Variants in RIMKLA observed in about 807,000 individuals in gnomAD.
RIMKLA encodes the protein ribosomal modification protein rimK like family member A.
A neutral mutation model predicts 32.7 loss-of-function variants in RIMKLA; 14 were observed. The observed-to-expected ratio is 0.43, with a 90% confidence interval of 0.28 to 0.67. The LOEUF (loss-of-function observed/expected upper bound fraction) is 0.67. Ranked by LOEUF, RIMKLA falls within the 30% of genes least tolerant of loss-of-function variation. RIMKLA has a pLI of 0.18. For missense variants in RIMKLA, 410 were observed against 519.0 expected (o/e 0.79, Z 2.04); for synonymous variants, 176 against 204.1 (o/e 0.86, Z 1.18).
At chr1:42,399,266 GTACACCAGGATGTCCAGGGGGCC>G (rs1643074337) in intron 1 of RIMKLA, 115 bp from the exon 2 acceptor site, 2 of 621,510 alleles carry the variant, frequency 3.2e-6, no homozygotes, top group Admixed American at 5.9e-5. Flanking sequence ...GAGTTTCCTT[GTACACCAGGATGTCCAGGGGGCC>G]AATTTTGAGG....
intron 1 of RIMKLA, among the ~76,000 whole-genome samples, chr1:42,382,189 A>T (rs1004333896): frequency 2.6e-5 from 4 of 152,204 alleles, no homozygotes; most frequent in Admixed American, 2.6e-4. Context: ...CCTCATACTT[A>T]ATATCAGATT....
intron 1 of RIMKLA, among the ~76,000 whole-genome samples, chr1:42,387,013 G>C (rs1642955023): frequency 6.6e-6 from 1 of 151,816 alleles, no homozygotes; most frequent in Non-Finnish European, 1.5e-5. Context: ...GTTGCAGTGA[G>C]CTGAGATTAC....
intron 1 of RIMKLA, among the ~76,000 whole-genome samples, chr1:42,392,631 G>A (rs762473146): frequency 2.6e-5 from 4 of 152,148 alleles, no homozygotes; most frequent in Non-Finnish European, 4.4e-5. Flanking sequence ...TTAACACCAT[G>A]CCCCTGGAGC....
chr1:42,412,738 C>T (rs1179237465), intron 4 of RIMKLA: 3 of 369,880 alleles, frequency 8.1e-6, no homozygotes, highest in Non-Finnish European at 1.6e-5. Flanking sequence ...GCGTTTGCCT[C>T]TTTTTGGCTT....
rs1347039745 is a variant in RIMKLA at position 42,414,635 on chromosome 1, C to T, written c.837C>T (p.Gly279=). Residue 279 remains glycine, a synonymous_variant, in exon 5 of 5, where the codon GGC becomes GGT. Coordinates refer to ENST00000431473, the MANE Select transcript of RIMKLA (RefSeq NM_173642.4). ...TGTGTGAGGCAAATGCTAATGTTGGCTTCCTAGCCTTTGACCAGGCATGCA... is the reference window on the plus strand; with the variant it reads ...TGTGTGAGGCAAATGCTAATGTTGGTTTCCTAGCCTTTGACCAGGCATGCA... ...FVVCEANANV[G]FLAFDQACNL... 9 of 1,614,104 alleles carry T rather than the reference C, an allele frequency of 5.6e-6. No homozygotes were observed. The highest frequency in any genetic ancestry group is 1.3e-5 in the African/African-American group (1 of 74,950).
chr1:42,398,967 TAAAAAAAAAAAAAA>T (rs543668676), intron 1 of RIMKLA, among the ~76,000 whole-genome samples: 1 of 98,390 alleles, frequency 1.0e-5, no homozygotes, highest in South Asian at 3.5e-4. Flanking sequence ...ACCCTGTCTT[TAAAAAAAAAAAAAA>T]AAAAAAAAAA....
rs1341048501 is a variant in RIMKLA, at chr1:42,420,818, C to G, written c.*5844C>G. 6.6e-6 allele frequency: 1 copy of G among 152,288 alleles called. No homozygotes were observed. Among genetic ancestry groups the G allele is most frequent in the Admixed American group, 6.5e-5 (1 of 15,288 alleles). 9.4% of individuals were successfully genotyped at this position (152,288 alleles called of 1,614,324 possible). ...CAGTTCAAATCCAGGTAACTTAAAG[C>G]TTGTGTGACCCAGGGACACTTTACT... On this transcript the variant is annotated 3_prime_UTR_variant, in exon 5 of 5. Transcript: ENST00000431473.
intron 1 of RIMKLA, among the ~76,000 whole-genome samples, chr1:42,395,231 T>G (rs952661529): frequency 6.6e-6 from 1 of 152,180 alleles, no homozygotes; most frequent in African/African-American, 2.4e-5. Context: ...ATAGAGAAAA[T>G]ATTGTTTTGG....
intron 1 of RIMKLA, among the ~76,000 whole-genome samples, chr1:42,385,915 CTTCT>C (rs535064715): frequency 1.1e-4 from 9 of 82,478 alleles, no homozygotes; most frequent in South Asian, 8.8e-4. Flanking sequence ...TCCTTCTTTC[CTTCT>C]TTCTTTCTTT....
At chr1:42,414,375 A>T in intron 4 of RIMKLA, 109 bp from the exon 5 acceptor site, 1 of 1,146,040 alleles carries the variant, frequency 8.7e-7, no homozygotes, top group Non-Finnish European at 1.2e-6. Context: ...TTTTGTGATT[A>T]ATGATCGAGC....
chr1:42,393,645 G>A (rs1243475494), intron 1 of RIMKLA, among the ~76,000 whole-genome samples: 1 of 152,142 alleles, frequency 6.6e-6, no homozygotes, highest in Non-Finnish European at 1.5e-5. Flanking sequence ...ACTGTTTTAC[G>A]AGAAAATGCT....
rs184996995 is a variant in RIMKLA at position 42,390,073 on chromosome 1, A to C, written c.163+8976A>C. 5.1e-3 allele frequency among the ~76,000 whole-genome samples: 639 copies of C among 125,598 alleles called. 7 individuals are homozygous for C. The highest frequency in any genetic ancestry group is 0.018 in the African/African-American group (582 of 33,188). The allele number at this position is 125,598 out of a possible 152,430, so 82.4% of individuals were successfully genotyped here. Reference sequence around the variant, plus strand: ...TTTTTTTTTGAGACGGAGTATCGCCAGTCATCCAGGCTGGAATGCAGTGGT... The same window carrying C: ...TTTTTTTTTGAGACGGAGTATCGCCCGTCATCCAGGCTGGAATGCAGTGGT... On this transcript the variant is annotated intron_variant, in intron 1 of 4. Transcript: ENST00000431473.
intron 1 of RIMKLA, among the ~76,000 whole-genome samples, chr1:42,393,967 C>G (rs951194976): frequency 6.6e-6 from 1 of 152,062 alleles, no homozygotes; most frequent in African/African-American, 2.4e-5. Flanking sequence ...GTATTTTAGG[C>G]AGAGACAGGG....
Position 42,422,661 on chromosome 1 carries a change from CATTTT to C in RIMKLA, c.*7691_*7695del, listed in dbSNP as rs1198783022. Reference sequence around the variant, plus strand: ...AAGTAAGAATCACATGCTGAATCTACATTTTATTATTTTCATATCATAAAATGAGG... The same window carrying C: ...AAGTAAGAATCACATGCTGAATCTACATTATTTTCATATCATAAAATGAGG... On this transcript the variant is annotated 3_prime_UTR_variant, in exon 5 of 5. Transcript: ENST00000431473. 4 of 152,194 alleles carry C rather than the reference CATTTT, an allele frequency of 2.6e-5. No individual in the cohort carries two copies. The highest frequency in any genetic ancestry group is 7.2e-5 in the African/African-American group (3 of 41,458). The allele number at this position is 152,194 out of a possible 1,614,324, so 9.4% of individuals were successfully genotyped here. A position where few individuals can be genotyped will look rare whatever the true frequency, so the allele number is the denominator to read the frequency against.
intron 1 of RIMKLA, among the ~76,000 whole-genome samples, chr1:42,389,857 T>C (rs1557751505): frequency 6.6e-6 from 1 of 152,024 alleles, no homozygotes; most frequent in South Asian, 2.1e-4. Flanking sequence ...TGAGGAATTA[T>C]AATTGATTTA....
intron 1 of RIMKLA, among the ~76,000 whole-genome samples, chr1:42,395,235 G>T (rs1643032903): frequency 6.6e-6 from 1 of 152,058 alleles, no homozygotes; most frequent in Admixed American, 6.5e-5. Context: ...AGAAAATATT[G>T]TTTTGGTTTC....
At chr1:42,409,860 A>G (rs1643181733) in intron 3 of RIMKLA, 124 bp from the exon 4 acceptor site, 2 of 740,028 alleles carry the variant, frequency 2.7e-6, no homozygotes, top group Non-Finnish European at 4.7e-6. Flanking sequence ...GCAGAGAAAT[A>G]GAAGGGACCA....
Position 42,392,320 on chromosome 1 carries a change from C to G in RIMKLA, c.164-7084C>G, listed in dbSNP as rs935044562. ...TTACAGTCAGTCTCCTCTCCCTCCC[C>G]CTGCTCAACAAGACCCAGGTGCTCT... On this transcript the variant is annotated intron_variant, in intron 1 of 4. Coordinates refer to ENST00000431473, the MANE Select transcript of RIMKLA (RefSeq NM_173642.4). Among the ~76,000 whole-genome samples the G allele has an allele frequency of 5.9e-5, 9 of 151,834 alleles. No homozygotes were observed. In the East Asian group the frequency reaches 1.4e-3, roughly 23 times the overall value.
chr1:42,399,816 A>T (rs899053596), intron 2 of RIMKLA, among the ~76,000 whole-genome samples, 182 bp downstream of exon 2: 1 of 152,056 alleles, frequency 6.6e-6, no homozygotes, highest in South Asian at 2.1e-4. Context: ...TCTGTAAGTT[A>T]TTCATTAAAT....
Sources: gnomAD v4.1 joint callset for allele counts (sites outside exome capture counted in the v4.1 genomes callset) on GRCh38, gnomAD v4.1.1 for gene constraint, MANE v1.5 for transcripts, NCBI Gene and HGNC (gene_info 2026-07-23, HGNC 2026-07-21) for gene names.